The following C3AR1 variants were observed in gnomAD, a reference collection of about 807,000 sequenced individuals.
C3AR1 encodes C3a anaphylatoxin chemotactic receptor.
For synonymous variants in C3AR1, 208 were observed against 225.3 expected, an observed-to-expected ratio of 0.92 and a Z score of 0.69; for missense variants, 579 against 583.5, an observed-to-expected ratio of 0.99 and a Z score of 0.08.
chr12:8,061,781 G>GC (rs1947277207), intron 1 of C3AR1, among the ~76,000 whole-genome samples: 1 of 152,040 alleles, frequency 6.6e-6, no homozygotes, highest in African/African-American at 2.4e-5. Flanking sequence ...AATTTTAATT[G>GC]CCAAACACAT....
At position 8,059,135 on chromosome 12, in the gene C3AR1, T is replaced by C. The variant is rs1188281739; in HGVS notation, c.1051A>G (p.Ile351Val). The C allele has an allele frequency of 1.9e-6, 3 of 1,614,198 alleles. No homozygotes were observed. The East Asian group carries it at 6.7e-5, about 36-fold the overall frequency. Reference sequence around the variant, plus strand: ...ATGAAGCTGTAACAGGCTATCATGATAACAGAGGGCAGCAGGAAACCCACC... The same window carrying C: ...ATGAAGCTGTAACAGGCTATCATGACAACAGAGGGCAGCAGGAAACCCACC... Reference protein sequence around the residue: ...LVVGFLLPSVIMIACYSFIVF... With the variant: ...LVVGFLLPSVVMIACYSFIVF... The change falls in exon 2 of 2, where the codon ATC becomes GTC. Residue 351 changes from isoleucine (I) to valine (V), a missense_variant. Physicochemically the swap from Ile to Val is conservative, Grantham distance 29 (BLOSUM62 3). Transcript: ENST00000307637.
chr12:8,060,240 G>T, intron 1 of C3AR1, 45 bp from the exon 2 acceptor site: 1 of 1,398,442 alleles, frequency 7.2e-7, no homozygotes, highest in Non-Finnish European at 9.8e-7. Flanking sequence ...GTATCTTTTT[G>T]AAAATGCATA....
At position 8,059,225 on chromosome 12, in the gene C3AR1, C is replaced by T; in HGVS notation, c.961G>A (p.Gly321Ser). The T allele has an allele frequency of 5.0e-6, 8 of 1,614,156 alleles. No individual in the cohort carries two copies. Among genetic ancestry groups the T allele is most frequent in the Non-Finnish European group, 5.9e-6 (7 of 1,180,024 alleles). ...PQGFQDYYNL[G>S]QFTDDDQVPT... ...ACTTGATCGTCATCTGTGAATTGGCCTAAATTGTAATAATCCTGGAAACCT... is the reference window on the plus strand; with the variant it reads ...ACTTGATCGTCATCTGTGAATTGGCTTAAATTGTAATAATCCTGGAAACCT... The change falls in exon 2 of 2, where the codon GGC (glycine) becomes AGC (serine). Residue 321 changes from glycine (G) to serine (S), a missense_variant. By Grantham distance (56) the Gly-to-Ser change is moderately conservative. Coordinates refer to ENST00000307637, the MANE Select transcript of C3AR1 (RefSeq NM_004054.4).
rs757235303 is a variant in C3AR1 at position 8,059,264 on chromosome 12, A to C, written c.922T>G (p.Ser308Ala). The C allele has an allele frequency of 2.7e-5, 43 of 1,614,028 alleles. No individual in the cohort carries two copies. In the Admixed American group the frequency reaches 4.0e-4, roughly 15 times the overall value. ...TCCTGGAAACCTTGTGGTAGCTCAGACTCGTAGAAGGAATTGCTAGAAGCG... is the reference window on the plus strand; with the variant it reads ...TCCTGGAAACCTTGTGGTAGCTCAGCCTCGTAGAAGGAATTGCTAGAAGCG... ...PSASSNSFYESELPQGFQDYY... is the reference protein window; with the variant it reads ...PSASSNSFYEAELPQGFQDYY... The change falls in exon 2 of 2, where the codon TCT (serine) becomes GCT (alanine). Residue 308 changes from serine (S) to alanine (A), a missense_variant. Ser to Ala is a moderately conservative substitution (Grantham distance 99). Coordinates refer to ENST00000307637, the MANE Select transcript of C3AR1 (RefSeq NM_004054.4).
rs1398835093 is a variant in C3AR1 at position 8,057,945 on chromosome 12, G to A, written c.*792C>T. ...ATAAGGAAATTAAGGAGCTTAGGAAGAGGAGTGGAAAATAGGTGCCCAACC... is the reference window on the plus strand; with the variant it reads ...ATAAGGAAATTAAGGAGCTTAGGAAAAGGAGTGGAAAATAGGTGCCCAACC... On this transcript the variant is annotated 3_prime_UTR_variant, in exon 2 of 2. Coordinates refer to ENST00000307637, the MANE Select transcript of C3AR1 (RefSeq NM_004054.4). Among the ~76,000 whole-genome samples the A allele has an allele frequency of 6.6e-6, 1 of 152,238 alleles. No homozygotes were observed. Among genetic ancestry groups the A allele is most frequent in the African/African-American group, 2.4e-5 (1 of 41,466 alleles).
chr12:8,058,862 A>G lies in C3AR1; in HGVS notation c.1324T>C (p.Phe442Leu), dbSNP rs1226884776. ...ATGGACTGCCTTGCTTTCTTCCTAA[A>G]ATCTTTCCCCAAGAGGGCATAAAGG... ...PFLYALLGKDFRKKARQSIQG... is the reference protein window; with the variant it reads ...PFLYALLGKDLRKKARQSIQG... Residue 442 changes from phenylalanine (F) to leucine (L), a missense_variant, in exon 2 of 2, where the codon TTT (phenylalanine) becomes CTT (leucine). Phe to Leu is a conservative substitution (Grantham distance 22). Transcript: ENST00000307637. The G allele has an allele frequency of 1.2e-6, 2 of 1,614,114 alleles. No individual in the cohort carries two copies. Among genetic ancestry groups the G allele is most frequent in the Admixed American group, 3.3e-5 (2 of 60,020 alleles).
At position 8,064,147 on chromosome 12, in the gene C3AR1, C is replaced by A. The variant is rs950877174; in HGVS notation, c.-11+2131G>T. Among the ~76,000 whole-genome samples the A allele has an allele frequency of 1.1e-4, 17 of 151,526 alleles. 1 individual carries two copies. The highest frequency in any genetic ancestry group is 4.1e-4 in the African/African-American group (17 of 41,348). ...GGGGGTTGACTTTTTTTTTCTTTTG[C>A]AATTACATCTAAAATTCTAATTTGT... On this transcript the variant is annotated intron_variant, in intron 1 of 1. Coordinates refer to ENST00000307637, the MANE Select transcript of C3AR1 (RefSeq NM_004054.4).
chr12:8,064,931 C>T (rs1040826900), intron 1 of C3AR1, among the ~76,000 whole-genome samples: 1 of 151,826 alleles, frequency 6.6e-6, no homozygotes, highest in Non-Finnish European at 1.5e-5. Context: ...CCAAGCTGCT[C>T]TCAAACTCCT....
chr12:8,060,762 A>C (rs1947266465), intron 1 of C3AR1, among the ~76,000 whole-genome samples: 1 of 152,234 alleles, frequency 6.6e-6, no homozygotes, highest in Non-Finnish European at 1.5e-5. Context: ...CTCATCTGGA[A>C]GTCCATATTA....
Position 8,059,765 on chromosome 12 carries a change from A to G in C3AR1, c.421T>C (p.Ser141Pro). The change falls in exon 2 of 2, where the codon TCT becomes CCT. Residue 141 changes from serine to proline, a missense_variant. Ser to Pro is a moderately conservative substitution (Grantham distance 74). Coordinates refer to ENST00000307637, the MANE Select transcript of C3AR1 (RefSeq NM_004054.4). ...ACCACCCAGATACATCCACAGATAG[A>G]GCAGGCCATCCCTACATTGCGATGA... ...QNHRNVGMACSICGCIWVVAF... is the reference protein window; with the variant it reads ...QNHRNVGMACPICGCIWVVAF... 3 of 1,614,196 alleles carry G rather than the reference A, an allele frequency of 1.9e-6. No homozygotes were observed. The highest frequency in any genetic ancestry group is 2.5e-6 in the Non-Finnish European group (3 of 1,180,030).
intron 1 of C3AR1, 180 bp downstream of exon 1, chr12:8,066,098 G>A (rs1172133683): frequency 6.6e-6 from 1 of 151,994 alleles, no homozygotes; most frequent in Admixed American, 6.6e-5. Context: ...AATATTAAAA[G>A]CAAAGACAAA....
Position 8,059,875 on chromosome 12 carries a change from A to G in C3AR1, c.311T>C (p.Leu104Pro), listed in dbSNP as rs1285657055. 4 of 1,614,222 alleles carry G rather than the reference A, an allele frequency of 2.5e-6. No individual in the cohort carries two copies. The Admixed American group carries it at 6.7e-5, about 27-fold the overall frequency. The change falls in exon 2 of 2, where the codon CTC (leucine) becomes CCC (proline). Residue 104 changes from leucine to proline, a missense_variant. By Grantham distance (98) the Leu-to-Pro change is moderately conservative. Transcript: ENST00000307637. ...LCKLIPSIIV[L>P]NMFASVFLLT... is the part of the protein sequence containing the mutation. ...CAGGAAGACACTGGCAAACATGTTGAGGACAATGATGGAGGGGATGAGCTT... is the reference window on the plus strand; with the variant it reads ...CAGGAAGACACTGGCAAACATGTTGGGGACAATGATGGAGGGGATGAGCTT...
chr12:8,059,067 G>C lies in C3AR1; in HGVS notation c.1119C>G (p.Ser373Arg). 20 of 1,614,196 alleles carry C rather than the reference G, an allele frequency of 1.2e-5. No individual in the cohort carries two copies. The highest frequency in any genetic ancestry group is 1.7e-5 in the Non-Finnish European group (20 of 1,180,036). The change falls in exon 2 of 2, where the codon AGC (serine) becomes AGG (arginine). Residue 373 changes from serine (S) to arginine (R), a missense_variant. Ser to Arg is a moderately radical substitution (Grantham distance 110, BLOSUM62 -1). Coordinates refer to ENST00000307637, the MANE Select transcript of C3AR1 (RefSeq NM_004054.4). The part of the protein sequence containing the change: ...MQRGRFAKSQ[S>R]KTFRVAVVVV... ...CCACCACGGCCACTCGAAAGGTTTTGCTCTGAGACTTGGCGAAGCGGCCCC... is the reference window on the plus strand; with the variant it reads ...CCACCACGGCCACTCGAAAGGTTTTCCTCTGAGACTTGGCGAAGCGGCCCC...
At chr12:8,061,454 TTTA>T (rs11567811) in intron 1 of C3AR1, among the ~76,000 whole-genome samples, 8 of 151,200 alleles carry the variant, frequency 5.3e-5, no homozygotes, top group East Asian at 1.9e-4. Context: ...CATTTATTTA[TTTA>T]TTATTATTAT....
rs1462366273 is a variant in C3AR1 at position 8,059,362 on chromosome 12, A to G, written c.824T>C (p.Ile275Thr). The G allele has an allele frequency of 6.2e-7, 1 of 1,614,182 alleles. No individual in the cohort carries two copies. Among genetic ancestry groups the G allele is most frequent in the Non-Finnish European group, 8.5e-7 (1 of 1,180,030 alleles). Residue 275 changes from isoleucine to threonine, a missense_variant, in exon 2 of 2, where the codon ATT (isoleucine) becomes ACT (threonine). Physicochemically the swap from Ile to Thr is moderately conservative, Grantham distance 89 (BLOSUM62 -1). Coordinates refer to ENST00000307637, the MANE Select transcript of C3AR1 (RefSeq NM_004054.4). Reference sequence around the variant, plus strand: ...CAGTGGGCTGGTTTCGTGATCTTCAATAGGAAACCCACTGGGGATTTTAGG... The same window carrying G: ...CAGTGGGCTGGTTTCGTGATCTTCAGTAGGAAACCCACTGGGGATTTTAGG... ...VSPKIPSGFP[I>T]EDHETSPLDN...
intron 1 of C3AR1, among the ~76,000 whole-genome samples, chr12:8,065,312 T>TA (rs1947320239): frequency 6.6e-6 from 1 of 152,124 alleles, no homozygotes; most frequent in African/African-American, 2.4e-5. Context: ...ATATTGTTAT[T>TA]ATCTGTTTTG....
Position 8,058,929 on chromosome 12 carries a change from T to C in C3AR1, c.1257A>G (p.Val419=), listed in dbSNP as rs757752020. 12 of 1,614,034 alleles carry C rather than the reference T, an allele frequency of 7.4e-6. No homozygotes were observed. In the South Asian group the frequency reaches 1.2e-4, roughly 16 times the overall value. ...LGKTLMSWDH[V]CIALASANSC... ...TATTGGCAGATGCTAGAGCAATGCA[T>C]ACATGATCCCAGGACATCAGAGTTT... is the stretch of plus-strand genomic sequence containing the variant. The change falls in exon 2 of 2, where the codon GTA becomes GTG. Residue 419 remains valine, a synonymous_variant. Transcript: ENST00000307637.
chr12:8,059,939 C>A lies in C3AR1; in HGVS notation c.247G>T (p.Ala83Ser), dbSNP rs758174674. 3 of 1,614,102 alleles carry A rather than the reference C, an allele frequency of 1.9e-6. No individual in the cohort carries two copies. Among genetic ancestry groups the A allele is most frequent in the Non-Finnish European group, 1.7e-6 (2 of 1,179,998 alleles). Reference sequence around the variant, plus strand: ...CCGTAGGGCCACTGTCCCTGGAGAGCCAAGTGAGCCAGCGAGAAGGGCAAG... The same window carrying A: ...CCGTAGGGCCACTGTCCCTGGAGAGACAAGTGAGCCAGCGAGAAGGGCAAG... ...LSLPFSLAHL[A>S]LQGQWPYGRF... is the part of the protein sequence containing the mutation. Residue 83 changes from alanine (A) to serine (S), a missense_variant, in exon 2 of 2, where the codon GCT becomes TCT. Transcript: ENST00000307637.
In C3AR1 at chr12:8,058,126, G is replaced by A. The variant is rs1021420908; in HGVS notation, c.*611C>T. ...ATCCTGTACCCAGGGGTGTTCCCAGGGACAGGCATCATTGCATAACCCTAT... is the reference window on the plus strand; with the variant it reads ...ATCCTGTACCCAGGGGTGTTCCCAGAGACAGGCATCATTGCATAACCCTAT... On this transcript the variant is annotated 3_prime_UTR_variant, in exon 2 of 2. Coordinates refer to ENST00000307637, the MANE Select transcript of C3AR1 (RefSeq NM_004054.4). 6.6e-6 allele frequency among the ~76,000 whole-genome samples: 1 copy of A among 152,144 alleles called. No individual in the cohort carries two copies. Among genetic ancestry groups the A allele is most frequent in the Non-Finnish European group, 1.5e-5 (1 of 68,032 alleles).
Sources: gnomAD v4.1 joint callset for allele counts (sites outside exome capture counted in the v4.1 genomes callset) on GRCh38, gnomAD v4.1.1 for gene constraint, MANE v1.5 for transcripts, NCBI Gene and HGNC (gene_info 2026-07-23, HGNC 2026-07-21) for gene names.